The following CCSER1 variants were observed in gnomAD, a reference collection of about 807,000 sequenced individuals.
The protein encoded by CCSER1 is serine-rich coiled-coil domain-containing protein 1.
In CCSER1, 41 loss-of-function variants were observed where a neutral mutation model predicts 82.0. That is an observed-to-expected ratio of 0.50 (90% CI 0.39 to 0.65). The LOEUF (loss-of-function observed/expected upper bound fraction) is 0.65, where lower values mean the gene tolerates loss of function less well. Ranked by LOEUF, CCSER1 falls within the 30% of genes least tolerant of loss-of-function variation. CCSER1 has a pLI of 0.00. For missense variants in CCSER1, 1,119 were observed against 1,064.2 expected (o/e 1.05, Z -0.72); for synonymous variants, 414 against 383.9 (o/e 1.08, Z -0.92).
rs527328601 is a variant in CCSER1 at position 90,706,581 on chromosome 4, G to A, written c.1933-17333G>A. Among the ~76,000 whole-genome samples the A allele has an allele frequency of 5.9e-5, 9 of 152,308 alleles. No individual in the cohort carries two copies. The South Asian group carries it at 1.9e-3, about 32-fold the overall frequency. The stretch of plus-strand genomic sequence containing the variant: ...CAGTAATTAGGATTCAGCTGTTAGG[G>A]CTAGAGAGATTCTGGTGAATACTAC... On this transcript the variant is annotated intron_variant, in intron 6 of 10. Transcript: ENST00000509176.
chr4:91,100,209 G>C (rs1184599016), intron 10 of CCSER1, among the ~76,000 whole-genome samples: 2 of 151,662 alleles, frequency 1.3e-5, no homozygotes, highest in Admixed American at 6.6e-5. Context: ...AATCAGTTTG[G>C]TCCTCATTAT....
chr4:90,562,991 A>G (rs1778962472), intron 5 of CCSER1, among the ~76,000 whole-genome samples: 1 of 152,028 alleles, frequency 6.6e-6, no homozygotes, highest in Non-Finnish European at 1.5e-5. Flanking sequence ...TAAAACTAAT[A>G]TTGAATTTCA....
chr4:91,401,939 G>T (rs1243539749), intron 10 of CCSER1, among the ~76,000 whole-genome samples: 3 of 152,288 alleles, frequency 2.0e-5, no homozygotes, highest in Non-Finnish European at 1.5e-5. Context: ...TGGATCAAAT[G>T]ATATTTCTAG....
At chr4:91,406,245 A>G (rs1227335873) in intron 10 of CCSER1, among the ~76,000 whole-genome samples, 1 of 152,160 alleles carries the variant, frequency 6.6e-6, no homozygotes, top group African/African-American at 2.4e-5. Flanking sequence ...CTTCTAAGCA[A>G]TTCATGCTTT....
intron 4 of CCSER1, among the ~76,000 whole-genome samples, chr4:90,434,890 C>T (rs1008314458): frequency 1.3e-5 from 2 of 151,982 alleles, no homozygotes; most frequent in Non-Finnish European, 1.5e-5. Flanking sequence ...AATCCTTTTC[C>T]CCACTTCTTT....
intron 9 of CCSER1, among the ~76,000 whole-genome samples, chr4:90,979,558 C>T (rs1215089717): frequency 6.6e-6 from 1 of 151,674 alleles, no homozygotes. Context: ...GAGCTAAGGA[C>T]TTCTGGTAGT....
At chr4:90,129,181 C>T (rs1344547783) in intron 1 of CCSER1, among the ~76,000 whole-genome samples, 1 of 151,778 alleles carries the variant, frequency 6.6e-6, no homozygotes, top group Admixed American at 6.6e-5. Context: ...AATGTGTACA[C>T]GTTTAAAGTA....
intron 1 of CCSER1, among the ~76,000 whole-genome samples, chr4:90,221,443 A>T (rs981341874): frequency 3.9e-5 from 6 of 152,150 alleles, no homozygotes; most frequent in Non-Finnish European, 7.4e-5. Flanking sequence ...ATATGCTAAG[A>T]CCTGTACCAG....
intron 9 of CCSER1, among the ~76,000 whole-genome samples, chr4:91,042,986 A>G (rs758442797): frequency 6.6e-6 from 1 of 152,154 alleles, no homozygotes; most frequent in African/African-American, 2.4e-5. Context: ...AGCCACCCCC[A>G]TAATATTATA....
chr4:90,137,145 A>G (rs1176338859), intron 1 of CCSER1, among the ~76,000 whole-genome samples: 1 of 152,236 alleles, frequency 6.6e-6, no homozygotes. Context: ...TGAGCTCCAC[A>G]GAAGTCAGAA....
intron 9 of CCSER1, among the ~76,000 whole-genome samples, chr4:91,026,456 A>C (rs573785736): frequency 3.9e-5 from 6 of 152,216 alleles, no homozygotes; most frequent in African/African-American, 1.4e-4. Context: ...TCTAAGTGTC[A>C]GTGAATTTTC....
At chr4:91,024,323 T>G (rs1740294124) in intron 9 of CCSER1, among the ~76,000 whole-genome samples, 1 of 152,180 alleles carries the variant, frequency 6.6e-6, no homozygotes, top group African/African-American at 2.4e-5. Flanking sequence ...CTGTTGAAGC[T>G]AATAACAAAA....
At chr4:91,467,544 T>C (rs1372898964) in intron 10 of CCSER1, among the ~76,000 whole-genome samples, 1 of 152,178 alleles carries the variant, frequency 6.6e-6, no homozygotes, top group East Asian at 1.9e-4. Context: ...CAAAAGAAAC[T>C]ACCATCAGAG....
intron 1 of CCSER1, among the ~76,000 whole-genome samples, chr4:90,229,721 A>C (rs1274796389): frequency 1.3e-5 from 2 of 152,208 alleles, no homozygotes. Context: ...GTATTCAGGA[A>C]ACCCATCTCA....
chr4:90,453,498 A>G (rs1177490603), intron 4 of CCSER1, among the ~76,000 whole-genome samples: 1 of 152,202 alleles, frequency 6.6e-6, no homozygotes, highest in Non-Finnish European at 1.5e-5. Context: ...GTCTCTGGTT[A>G]GAGAAGGAGG....
intron 10 of CCSER1, among the ~76,000 whole-genome samples, chr4:91,103,633 A>G (rs946879806): frequency 2.6e-5 from 4 of 152,172 alleles, no homozygotes; most frequent in Non-Finnish European, 5.9e-5. Flanking sequence ...TAATACTTTT[A>G]TAATTTCTTA....
At chr4:91,495,249 T>TCCACATATATTG (rs755969452) in intron 10 of CCSER1, among the ~76,000 whole-genome samples, 268 of 151,848 alleles carry the variant, frequency 1.8e-3, no homozygotes, top group Middle Eastern at 6.8e-3. Flanking sequence ...GTATATATAT[T>TCCACATATATTG]CACATATATA....
At chr4:90,513,064 G>C (rs1351516583) in intron 5 of CCSER1, among the ~76,000 whole-genome samples, 1 of 152,088 alleles carries the variant, frequency 6.6e-6, no homozygotes, top group Non-Finnish European at 1.5e-5. Context: ...TGTGGACTAG[G>C]GACATGAAGT....
intron 8 of CCSER1, among the ~76,000 whole-genome samples, chr4:90,819,218 A>G (rs1213127373): frequency 6.6e-6 from 1 of 152,148 alleles, no homozygotes; most frequent in Admixed American, 6.6e-5. Flanking sequence ...CTCTTCTTCT[A>G]AAGACACTAA....
Sources: gnomAD v4.1 joint callset for allele counts (sites outside exome capture counted in the v4.1 genomes callset) on GRCh38, gnomAD v4.1.1 for gene constraint, MANE v1.5 for transcripts, NCBI Gene and HGNC (gene_info 2026-07-23, HGNC 2026-07-21) for gene names.